IFITM10: variants seen among roughly 807,000 people sequenced by gnomAD.
IFITM10 encodes the protein interferon-induced transmembrane protein 10.
In IFITM10, 17 loss-of-function variants were observed where a neutral mutation model predicts 19.0. That is an observed-to-expected ratio of 0.90 (90% CI 0.61 to 1.34). The LOEUF (loss-of-function observed/expected upper bound fraction) is 1.34. Ranked by LOEUF, IFITM10 falls within the 40% of genes most tolerant of loss-of-function variation. The probability of loss-of-function intolerance (pLI) is 0.00; values close to 1 mark genes in which losing one functional copy is unlikely to be tolerated. For missense variants in IFITM10, 306 were observed against 319.8 expected, an observed-to-expected ratio of 0.96 and a Z score of 0.33; for synonymous variants, 148 against 147.2, an observed-to-expected ratio of 1.01 and a Z score of -0.04.
rs773303191 is a variant in IFITM10, at chr11:1,733,758, C to G, written c.*1522G>C. 1.3e-5 allele frequency: 2 copies of G among 152,558 alleles called. No homozygotes were observed. Among genetic ancestry groups the G allele is most frequent in the East Asian group, 1.9e-4 (1 of 5,158 alleles). The allele number at this position is 152,558 out of a possible 1,614,324, so 9.5% of individuals were successfully genotyped here. ...ACAGGAATCCTCCGGGCTTCTCCCC[C>G]ACCTTACCTTCCAAACCAGTCAACC... is the stretch of plus-strand genomic sequence containing the variant. On this transcript the variant is annotated 3_prime_UTR_variant, in exon 3 of 3. Transcript: ENST00000340134. The surrounding 1 kb of genome is among the most constrained non-coding windows in gnomAD (Gnocchi z 6.3).
chr11:1,743,326 G>A (rs111210482), intron 2 of IFITM10, among the ~76,000 whole-genome samples: 1,962 of 150,110 alleles, frequency 0.013, 50 homozygotes, highest in African/African-American at 0.045. Context: ...ATGGACAAAC[G>A]GAAGATGGAT....
At chr11:1,750,053 C>A (rs1187834699) in intron 1 of IFITM10, among the ~76,000 whole-genome samples, 1 of 152,146 alleles carries the variant, frequency 6.6e-6, no homozygotes, top group Non-Finnish European at 1.5e-5. Flanking sequence ...TCCCTGGAGG[C>A]TGGTTTACTC....
intron 2 of IFITM10, among the ~76,000 whole-genome samples, chr11:1,736,837 A>C (rs977938375): frequency 2.0e-5 from 3 of 151,626 alleles, no homozygotes; most frequent in Admixed American, 6.6e-5. Flanking sequence ...GAATGGATGG[A>C]GTGGAGTCAA....
At chr11:1,736,830 T>C (rs1851092380) in intron 2 of IFITM10, among the ~76,000 whole-genome samples, 1 of 150,710 alleles carries the variant, frequency 6.6e-6, no homozygotes, top group South Asian at 2.1e-4. Flanking sequence ...ATGGATGGAA[T>C]GGATGGAGTG....
chr11:1,749,515 C>G (rs905000351), intron 1 of IFITM10, among the ~76,000 whole-genome samples: 10 of 151,364 alleles, frequency 6.6e-5, no homozygotes, highest in Non-Finnish European at 1.0e-4. Context: ...CAAGAGAGAC[C>G]CTCTTCCTCT....
In IFITM10 at chr11:1,735,060, G is replaced by C. The variant is rs758012087; in HGVS notation, c.*220C>G. The C allele has an allele frequency of 8.2e-5, 46 of 561,326 alleles. No individual in the cohort carries two copies. Among genetic ancestry groups the C allele is most frequent in the Non-Finnish European group, 1.3e-4 (40 of 318,452 alleles). 34.8% of individuals were successfully genotyped at this position (561,326 alleles called of 1,614,324 possible). On this transcript the variant is annotated 3_prime_UTR_variant, in exon 3 of 3. Transcript: ENST00000340134. The stretch of plus-strand genomic sequence containing the variant: ...CCCCCAGGCCCCAGACACAGGCAGG[G>C]TGGAGGCCAGGAGGCGGAGGGGGTG...
intron 2 of IFITM10, chr11:1,744,933 T>G (rs1000676064): frequency 2.0e-5 from 3 of 152,296 alleles, no homozygotes; most frequent in African/African-American, 7.2e-5. Context: ...GGTGACCAGA[T>G]GGATGCATTC....
intron 1 of IFITM10, chr11:1,749,001 C>T (rs1014860661): frequency 1.4e-5 from 15 of 1,037,812 alleles, no homozygotes; most frequent in Non-Finnish European, 1.8e-5. Flanking sequence ...GCCCCCCGGA[C>T]GGCGCCTCCT....
intron 2 of IFITM10, chr11:1,744,530 A>G (rs1382673207): frequency 6.5e-6 from 1 of 152,836 alleles, no homozygotes; most frequent in Non-Finnish European, 1.5e-5. Flanking sequence ...TGAATGGAGA[A>G]TTGACTTTTT....
Position 1,747,695 on chromosome 11 carries a change from C to A in IFITM10, c.509G>T (p.Gly170Val). Reference sequence around the variant, plus strand: ...GAGGGAGTAGGCCAAGGCGATGAAGCCCAGGCAGCAGAAGTTGAGGTAGAC... The same window carrying A: ...GAGGGAGTAGGCCAAGGCGATGAAGACCAGGCAGCAGAAGTTGAGGTAGAC... ...NFVYLNFCCL[G>V]FIALAYSLKV... The change falls in exon 2 of 3, where the codon GGC (glycine) becomes GTC (valine). Residue 170 changes from glycine (G) to valine (V), a missense_variant. Coordinates refer to ENST00000340134, the MANE Select transcript of IFITM10 (RefSeq NM_001170820.4). The A allele has an allele frequency of 2.6e-6, 4 of 1,551,804 alleles. No homozygotes were observed. Among genetic ancestry groups the A allele is most frequent in the Non-Finnish European group, 3.5e-6 (4 of 1,146,984 alleles).
At position 1,747,943 on chromosome 11, in the gene IFITM10, C is replaced by T. The variant is rs959568740; in HGVS notation, c.261G>A (p.Ala87=). The change falls in exon 2 of 3, where the codon GCG becomes GCA. Residue 87 remains alanine, a synonymous_variant. Coordinates refer to ENST00000340134, the MANE Select transcript of IFITM10 (RefSeq NM_001170820.4). ...VSKPPALQAP[A]APAPEPSASP... ...AGGCCGAGGGCTCAGGGGCAGGGGC[C>T]GCCGGAGCCTGCAGGGCAGGGGGCT... 2.0e-6 allele frequency: 3 copies of T among 1,472,774 alleles called. No individual in the cohort carries two copies. Among genetic ancestry groups the T allele is most frequent in the African/African-American group, 2.8e-5 (2 of 70,486 alleles). The allele number at this position is 1,472,774 out of a possible 1,614,324, so 91.2% of individuals were successfully genotyped here.
At chr11:1,738,586 T>C (rs1180416160) in intron 2 of IFITM10, among the ~76,000 whole-genome samples, 3 of 152,092 alleles carry the variant, frequency 2.0e-5, no homozygotes, top group African/African-American at 7.2e-5. Context: ...TGTGGATATG[T>C]AAGAGCATGT....
At chr11:1,737,256 A>C (rs1386165532) in intron 2 of IFITM10, among the ~76,000 whole-genome samples, 1 of 152,258 alleles carries the variant, frequency 6.6e-6, no homozygotes, top group African/African-American at 2.4e-5. Flanking sequence ...GTATATTTTA[A>C]AATTGCATGT....
At position 1,735,211 on chromosome 11, in the gene IFITM10, C is replaced by T. The variant is rs375276140; in HGVS notation, c.*69G>A. ...CCTGCCCCAACCTCATGGGATCCTG[C>T]GTTTCAGGGACCATGAGAATAAACA... On this transcript the variant is annotated 3_prime_UTR_variant, in exon 3 of 3. Coordinates refer to ENST00000340134, the MANE Select transcript of IFITM10 (RefSeq NM_001170820.4). 8.7e-6 allele frequency: 13 copies of T among 1,495,300 alleles called. No individual in the cohort carries two copies. Among genetic ancestry groups the T allele is most frequent in the East Asian group, 4.9e-5 (2 of 40,504 alleles). The allele number at this position is 1,495,300 out of a possible 1,614,324, so 92.6% of individuals were successfully genotyped here.
At chr11:1,743,697 T>C (rs1164428931) in intron 2 of IFITM10, among the ~76,000 whole-genome samples, 1 of 152,134 alleles carries the variant, frequency 6.6e-6, no homozygotes, top group Non-Finnish European at 1.5e-5. Context: ...GGCTCACATC[T>C]AGCAGCTGCT....
At chr11:1,741,204 G>A (rs1845567149) in intron 2 of IFITM10, among the ~76,000 whole-genome samples, 1 of 152,056 alleles carries the variant, frequency 6.6e-6, no homozygotes, top group South Asian at 2.1e-4. Context: ...GAGTGAACAT[G>A]AAGGAAGGAG....
At chr11:1,749,891 C>A (rs1845697775) in intron 1 of IFITM10, among the ~76,000 whole-genome samples, 1 of 152,158 alleles carries the variant, frequency 6.6e-6, no homozygotes, top group Admixed American at 6.5e-5. Context: ...CTTCACCCAG[C>A]CGGGGCCCCA....
intron 1 of IFITM10, chr11:1,748,466 A>C: frequency 8.6e-4 from 189 of 219,156 alleles, no homozygotes; most frequent in East Asian, 1.4e-3. Context: ...ACCCCAAACA[A>C]CCCCGCACAC....
At chr11:1,748,329 C>T (rs1845676785) in intron 1 of IFITM10, 1 of 419,182 alleles carries the variant, frequency 2.4e-6, no homozygotes, top group Non-Finnish European at 4.2e-6. Context: ...TGGCAGGGAC[C>T]TGGGGCTTTC....
Sources: allele counts gnomAD v4.1 joint callset (sites outside exome capture counted in the v4.1 genomes callset), GRCh38; gene constraint gnomAD v4.1.1; non-coding constraint Gnocchi (gnomAD v3.1); transcripts MANE v1.5; gene names NCBI Gene and HGNC (gene_info 2026-07-23, HGNC 2026-07-21).